Variants in CHL1 observed in about 807,000 individuals in gnomAD.
The protein encoded by CHL1 is neural cell adhesion molecule L1-like protein.
In CHL1, 96 loss-of-function variants were observed where a neutral mutation model predicts 141.9. The observed-to-expected ratio is 0.68, with a 90% confidence interval of 0.57 to 0.80. The LOEUF is 0.80. Ranked by LOEUF, CHL1 falls within the 30% of genes least tolerant of loss-of-function variation. CHL1 has a pLI of 0.00. For missense variants in CHL1, 1,820 were observed against 1,457.2 expected, an observed-to-expected ratio of 1.25 and a Z score of -4.05; for synonymous variants, 613 against 502.2, an observed-to-expected ratio of 1.22 and a Z score of -2.95.
At chr3:274,270 A>C (rs1188870695) in intron 2 of CHL1, among the ~76,000 whole-genome samples, 6 of 152,206 alleles carry the variant, frequency 3.9e-5, no homozygotes, top group African/African-American at 1.4e-4. Context: ...AGAGTACCAC[A>C]TGCAATTTCT....
intron 2 of CHL1, among the ~76,000 whole-genome samples, chr3:294,088 G>T (rs1697960179): frequency 6.6e-6 from 1 of 152,086 alleles, no homozygotes; most frequent in Non-Finnish European, 1.5e-5. Context: ...GGAGGCCGAG[G>T]CAGGCAGATC....
At chr3:219,938 T>C (rs987489049) in intron 1 of CHL1, among the ~76,000 whole-genome samples, 6 of 152,184 alleles carry the variant, frequency 3.9e-5, no homozygotes, top group African/African-American at 1.2e-4. Flanking sequence ...GGAATGCACA[T>C]TGAAATCACA....
At chr3:337,229 C>A (rs1476297004) in intron 5 of CHL1, among the ~76,000 whole-genome samples, 4 of 138,120 alleles carry the variant, frequency 2.9e-5, no homozygotes, top group Non-Finnish European at 6.2e-5. Flanking sequence ...CTTGCTCTGT[C>A]GCCCAGGCTG....
In CHL1 at chr3:243,322, G is replaced by A. The variant is rs757019572; in HGVS notation, c.-174-1291G>A. Among the ~76,000 whole-genome samples, 10 of 152,242 alleles carry A rather than the reference G, an allele frequency of 6.6e-5. 1 individual carries two copies. The highest frequency in any genetic ancestry group is 8.8e-5 in the Non-Finnish European group (6 of 68,012). On this transcript the variant is annotated intron_variant, in intron 1 of 27. Transcript: ENST00000256509. ...TACTTAGGTAAACTTCTGTCAGCCC[G>A]CAGAAGTCAGTGAACACAATTATAT...
intron 2 of CHL1, among the ~76,000 whole-genome samples, chr3:252,611 A>G (rs1693811111): frequency 6.6e-6 from 1 of 150,806 alleles, no homozygotes; most frequent in Admixed American, 6.6e-5. Context: ...TGAAAATTAG[A>G]TCTCATATCT....
intron 2 of CHL1, among the ~76,000 whole-genome samples, chr3:309,485 C>G (rs142557006): frequency 4.8e-4 from 71 of 148,574 alleles, no homozygotes; most frequent in African/African-American, 1.6e-3. Flanking sequence ...CTCTCTCTCT[C>G]TTTCTTTCTT....
At chr3:341,529 A>G (rs1367607326) in intron 6 of CHL1, among the ~76,000 whole-genome samples, 3 of 152,142 alleles carry the variant, frequency 2.0e-5, no homozygotes, top group Non-Finnish European at 2.9e-5. Context: ...TTTTTAAATC[A>G]TGTTTTAAAT....
intron 2 of CHL1, among the ~76,000 whole-genome samples, chr3:280,324 A>C (rs1696526597): frequency 6.6e-6 from 1 of 152,072 alleles, no homozygotes; most frequent in Non-Finnish European, 1.5e-5. Context: ...TGGTAGCTAT[A>C]CCATTTTCTA....
At chr3:220,404 G>A (rs1461602815) in intron 1 of CHL1, among the ~76,000 whole-genome samples, 2 of 152,150 alleles carry the variant, frequency 1.3e-5, no homozygotes, top group Non-Finnish European at 2.9e-5. Context: ...GGAAATTCGA[G>A]GCTGTAGCAT....
At chr3:215,528 T>G (rs1700243947) in intron 1 of CHL1, among the ~76,000 whole-genome samples, 1 of 152,168 alleles carries the variant, frequency 6.6e-6, no homozygotes, top group Non-Finnish European at 1.5e-5. Context: ...ATAGTTTGTA[T>G]TTCCAAATAA....
intron 1 of CHL1, among the ~76,000 whole-genome samples, chr3:200,920 C>T (rs1455282443): frequency 6.6e-6 from 1 of 152,182 alleles, no homozygotes; most frequent in Non-Finnish European, 1.5e-5. Context: ...TTACTAATTA[C>T]TGCAGTTTAT....
intron 4 of CHL1, among the ~76,000 whole-genome samples, chr3:327,029 T>A (rs541180281): frequency 5.3e-5 from 8 of 152,056 alleles, no homozygotes; most frequent in Non-Finnish European, 1.2e-4. Context: ...ATGGATATAT[T>A]GATCAATATC....
intron 24 of CHL1, among the ~76,000 whole-genome samples, chr3:395,726 A>T (rs1708615039): frequency 6.6e-6 from 1 of 152,258 alleles, no homozygotes; most frequent in South Asian, 2.1e-4. Context: ...TGGCCCTTCC[A>T]TTAAAAGTAG....
chr3:379,650 C>A (rs144429018), intron 16 of CHL1, among the ~76,000 whole-genome samples: 2 of 151,960 alleles, frequency 1.3e-5, no homozygotes, highest in East Asian at 1.9e-4. Context: ...TTCATTCTTG[C>A]GATTAGGCTG....
chr3:223,832 G>A (rs568463573), intron 1 of CHL1, among the ~76,000 whole-genome samples: 2 of 152,280 alleles, frequency 1.3e-5, no homozygotes, highest in Admixed American at 1.3e-4. Flanking sequence ...GGTTGGGGCA[G>A]GGATGAAATC....
chr3:271,123 CA>C (rs1377276382), intron 2 of CHL1, among the ~76,000 whole-genome samples: 4 of 151,240 alleles, frequency 2.6e-5, no homozygotes, highest in Admixed American at 2.6e-4. Context: ...CTGCTCCAAT[CA>C]AAAAAAAATT....
In CHL1 at chr3:319,722, G is replaced by T; in HGVS notation, c.-55G>T. The T allele has an allele frequency of 2.6e-6, 3 of 1,168,350 alleles. No homozygotes were observed. The highest frequency in any genetic ancestry group is 2.6e-5 in the South Asian group (2 of 77,882). The allele number at this position is 1,168,350 out of a possible 1,614,324, so 72.4% of individuals were successfully genotyped here. ...AAGGTCTCAGCTGTAAACCAAAAGT[G>T]AGAGGAGACATTAAGATTTTCATTC... is the stretch of plus-strand genomic sequence containing the variant. On this transcript the variant is annotated 5_prime_UTR_variant, in exon 3 of 28. Transcript: ENST00000256509.
intron 2 of CHL1, among the ~76,000 whole-genome samples, chr3:271,586 A>C (rs138151896): frequency 6.6e-6 from 1 of 152,228 alleles, no homozygotes; most frequent in East Asian, 1.9e-4. Flanking sequence ...GGAAGCTTTC[A>C]TTTATGGTTG....
intron 1 of CHL1, among the ~76,000 whole-genome samples, chr3:202,626 A>T (rs1699059920): frequency 6.6e-6 from 1 of 152,170 alleles, no homozygotes; most frequent in African/African-American, 2.4e-5. Context: ...ATTGGTTAAG[A>T]ACCATCACCT....
Sources: allele counts gnomAD v4.1 joint callset (sites outside exome capture counted in the v4.1 genomes callset), GRCh38; gene constraint gnomAD v4.1.1; transcripts MANE v1.5; gene names NCBI Gene and HGNC (gene_info 2026-07-23, HGNC 2026-07-21).